ZNF626: variants seen among roughly 807,000 people sequenced by gnomAD.
ZNF626 encodes the protein CTC-513N18.7.
A neutral mutation model predicts 11.7 loss-of-function variants in ZNF626; 4 were observed. The observed-to-expected ratio is 0.34, with a 90% CI of 0.17 to 0.78. The LOEUF is 0.78. Among genes scored for constraint, ZNF626 ranks in the 30% least tolerant of loss-of-function variants. The probability of loss-of-function intolerance (pLI) is 0.57; values close to 1 mark genes in which losing one functional copy is unlikely to be tolerated. For synonymous variants in ZNF626, 179 were observed against 198.6 expected (o/e 0.90, Z 0.83); for missense variants, 588 against 587.1 (o/e 1.00, Z -0.01).
Position 20,645,295 on chromosome 19 carries a change from T to C in ZNF626, c.226+389A>G. On this transcript the variant is annotated intron_variant, in intron 3 of 3. Coordinates refer to ENST00000601440, the MANE Select transcript of ZNF626 (RefSeq NM_001076675.3). Reference sequence around the variant, plus strand: ...CTATTACTCTCAGACATTTCAGATCTGATGCAAAGAGAACTTTGAGAGTAA... The same window carrying C: ...CTATTACTCTCAGACATTTCAGATCCGATGCAAAGAGAACTTTGAGAGTAA... The C allele has an allele frequency of 2.0e-6, 3 of 1,510,688 alleles. No individual in the cohort carries two copies. In the South Asian group the frequency reaches 3.9e-5, roughly 20 times the overall value. The allele number at this position is 1,510,688 out of a possible 1,614,324, so 93.6% of individuals were successfully genotyped here.
chr19:20,643,108 T>C (rs1403419370), intron 3 of ZNF626, among the ~76,000 whole-genome samples: 2 of 152,150 alleles, frequency 1.3e-5, no homozygotes, highest in Admixed American at 1.3e-4. Context: ...GCATGCACTG[T>C]GTAGCAGTAA....
chr19:20,637,040 G>GAAACA (rs1969974161), intron 3 of ZNF626, among the ~76,000 whole-genome samples: 12 of 87,572 alleles, frequency 1.4e-4, no homozygotes, highest in Admixed American at 2.2e-4. Flanking sequence ...AAAAAAAAAG[G>GAAACA]CCCAGTGCAA....
chr19:20,635,267 C>T lies in ZNF626; in HGVS notation c.227-9617G>A, dbSNP rs73926071. 3.4e-3 allele frequency among the ~76,000 whole-genome samples: 512 copies of T among 152,170 alleles called. 4 individuals are homozygous for T. Among genetic ancestry groups the T allele is most frequent in the African/African-American group, 0.012 (487 of 41,494 alleles). On this transcript the variant is annotated intron_variant, in intron 3 of 3. Transcript: ENST00000601440. Reference sequence around the variant, plus strand: ...TAATGTGTAGTGAGATTTAGCTTTGCAAGATAAAAACATTCTAGTGATGTT... The same window carrying T: ...TAATGTGTAGTGAGATTTAGCTTTGTAAGATAAAAACATTCTAGTGATGTT...
rs1450002193 is a variant in ZNF626 at position 20,621,095 on chromosome 19, A to G, written c.*3195T>C. ...TGATCCACCTGCCTGGGCCTCCCAA[A>G]GTGCTGGGATTACAGGTGTAAGCCA... On this transcript the variant is annotated 3_prime_UTR_variant, in exon 4 of 4. Coordinates refer to ENST00000601440, the MANE Select transcript of ZNF626 (RefSeq NM_001076675.3). The G allele has an allele frequency of 6.7e-6, 1 of 148,244 alleles. No individual in the cohort carries two copies. The highest frequency in any genetic ancestry group is 1.5e-5 in the Non-Finnish European group (1 of 67,616). The allele number at this position is 148,244 out of a possible 1,614,324, so 9.2% of individuals were successfully genotyped here. A position where few individuals can be genotyped will look rare whatever the true frequency, so the allele number is the denominator to read the frequency against.
chr19:20,649,180 G>C lies in ZNF626; in HGVS notation c.4-2775C>G, dbSNP rs553041893. On this transcript the variant is annotated intron_variant, in intron 1 of 3. Coordinates refer to ENST00000601440, the MANE Select transcript of ZNF626 (RefSeq NM_001076675.3). ...GAGATTCTCTAGACAAGTTACACCT[G>C]TTATCTTGAGACTATGTCTTTAAAG... 3.3e-5 allele frequency among the ~76,000 whole-genome samples: 5 copies of C among 152,150 alleles called. No individual in the cohort carries two copies. In the East Asian group the frequency reaches 9.7e-4, roughly 29 times the overall value.
chr19:20,631,615 CTT>C (rs56931780), intron 3 of ZNF626, among the ~76,000 whole-genome samples: 3 of 139,990 alleles, frequency 2.1e-5, no homozygotes, highest in Admixed American at 1.4e-4. Context: ...CAACCCCTGC[CTT>C]TTTTTTTGTT....
rs781875422 is a variant in ZNF626 at position 20,624,145 on chromosome 19, G to A, written c.*145C>T. The A allele has an allele frequency of 7.6e-7, 1 of 1,316,356 alleles. No homozygotes were observed. The highest frequency in any genetic ancestry group is 1.2e-5 in the South Asian group (1 of 84,824). 81.5% of individuals were successfully genotyped at this position (1,316,356 alleles called of 1,614,324 possible). A position where few individuals can be genotyped will look rare whatever the true frequency, so the allele number is the denominator to read the frequency against. On this transcript the variant is annotated 3_prime_UTR_variant, in exon 4 of 4. Coordinates refer to ENST00000601440, the MANE Select transcript of ZNF626 (RefSeq NM_001076675.3). ...AAATCTCTTATGTGTAGTAAGTTTA[G>A]AGGAGTGCTTAAAGGCTTTGCCACA...
intron 3 of ZNF626, among the ~76,000 whole-genome samples, chr19:20,625,855 G>GT (rs1165701825): frequency 6.6e-6 from 1 of 151,994 alleles, no homozygotes; most frequent in African/African-American, 2.4e-5. Flanking sequence ...ATAATAAGTT[G>GT]TGAAGGGCCC....
At chr19:20,639,344 C>T (rs571182184) in intron 3 of ZNF626, among the ~76,000 whole-genome samples, 9 of 152,172 alleles carry the variant, frequency 5.9e-5, no homozygotes, top group African/African-American at 2.2e-4. Context: ...CTAGGCTTCA[C>T]AGATGCATAC....
intron 3 of ZNF626, among the ~76,000 whole-genome samples, chr19:20,637,425 C>T (rs963619116): frequency 5.4e-5 from 8 of 147,578 alleles, no homozygotes; most frequent in Non-Finnish European, 8.9e-5. Flanking sequence ...ATGGAGGCTG[C>T]AGTGAGCCAA....
chr19:20,633,071 G>C (rs1298128536), intron 3 of ZNF626, among the ~76,000 whole-genome samples: 1 of 152,138 alleles, frequency 6.6e-6, no homozygotes, highest in Non-Finnish European at 1.5e-5. Flanking sequence ...GTTTGCCTGG[G>C]TATCAGCAGC....
intron 1 of ZNF626, among the ~76,000 whole-genome samples, chr19:20,657,736 C>T (rs932759701): frequency 2.6e-5 from 4 of 151,482 alleles, no homozygotes; most frequent in African/African-American, 7.3e-5. Context: ...ATCCAGGAGG[C>T]GAAGGTTGCG....
At chr19:20,626,435 C>T (rs144667806) in intron 3 of ZNF626, among the ~76,000 whole-genome samples, 1 of 152,256 alleles carries the variant, frequency 6.6e-6, no homozygotes. Flanking sequence ...ATAAGTTGTA[C>T]AGGTCAAGCT....
In ZNF626 at chr19:20,645,734, C is replaced by A. The variant is rs202201622; in HGVS notation, c.176G>T (p.Gly59Val). ...KPDLITCLEQ[G>V]RKPLTMKRNE... ...TCTCTTCATGGTCAAAGGTTTTCTT[C>A]CTTGCTCCAGACAGGTGATCAGGTC... Residue 59 changes from glycine (G) to valine (V), a missense_variant, in exon 3 of 4, where the codon GGA (glycine) becomes GTA (valine). Around this residue, in one of 4 missense-constraint regions of ZNF626, gnomAD observed 524 missense variants for 470.1 expected, o/e 1.11. Coordinates refer to ENST00000601440, the MANE Select transcript of ZNF626 (RefSeq NM_001076675.3). The A allele has an allele frequency of 6.2e-7, 1 of 1,611,804 alleles. No individual in the cohort carries two copies.
chr19:20,632,979 C>A (rs1368977378), intron 3 of ZNF626, among the ~76,000 whole-genome samples: 1 of 152,132 alleles, frequency 6.6e-6, no homozygotes, highest in Non-Finnish European at 1.5e-5. Flanking sequence ...GATGTCCTTT[C>A]TCTTTGTTAG....
chr19:20,647,636 G>A (rs1034224056), intron 1 of ZNF626, among the ~76,000 whole-genome samples: 5 of 151,716 alleles, frequency 3.3e-5, no homozygotes, highest in African/African-American at 1.2e-4. Flanking sequence ...ACAGGCACCC[G>A]CCACCATGCC....
At chr19:20,646,175 G>T (rs1555771881) in intron 2 of ZNF626, 104 bp downstream of exon 2, 1 of 1,280,106 alleles carries the variant, frequency 7.8e-7, no homozygotes, top group Non-Finnish European at 1.0e-6. Flanking sequence ...GGAAAATGGG[G>T]ATCTGAAACT....
In ZNF626 at chr19:20,622,419, T is replaced by G. The variant is rs1254232284; in HGVS notation, c.*1871A>C. 1.3e-5 allele frequency: 2 copies of G among 152,158 alleles called. No individual in the cohort carries two copies. Among genetic ancestry groups the G allele is most frequent in the Non-Finnish European group, 2.9e-5 (2 of 68,018 alleles). 9.4% of individuals were successfully genotyped at this position (152,158 alleles called of 1,614,324 possible). A position where few individuals can be genotyped will look rare whatever the true frequency, so the allele number is the denominator to read the frequency against. ...CTACAATGAGCCTCTCCACTTATAT[T>G]TTCGTCATGCATCTTACATTTTAAT... is the stretch of plus-strand genomic sequence containing the variant. On this transcript the variant is annotated 3_prime_UTR_variant, in exon 4 of 4. Transcript: ENST00000601440.
chr19:20,632,262 G>T (rs1391196914), intron 3 of ZNF626, among the ~76,000 whole-genome samples: 1 of 152,068 alleles, frequency 6.6e-6, no homozygotes, highest in Non-Finnish European at 1.5e-5. Context: ...TGACAATTAT[G>T]TGTCTTGGAA....
Sources: gnomAD v4.1 joint callset for allele counts (sites outside exome capture counted in the v4.1 genomes callset) on GRCh38, gnomAD v4.1.1 for gene constraint, gnomAD v4.1.1 regional missense constraint, MANE v1.5 for transcripts, NCBI Gene and HGNC (gene_info 2026-07-23, HGNC 2026-07-21) for gene names.